Variants in BCKDHB observed in about 807,000 individuals in gnomAD.
BCKDHB encodes the protein branched chain keto acid dehydrogenase E1 subunit beta.
A neutral mutation model predicts 48.5 loss-of-function variants in BCKDHB; 41 were observed. The ratio of observed to expected loss-of-function variants is 0.85; its 90% CI spans 0.66 to 1.10. BCKDHB has a LOEUF of 1.10. BCKDHB is among the 50% of genes least tolerant of loss of function. The pLI, the probability that BCKDHB is intolerant of heterozygous loss-of-function variation, is 0.00. For synonymous variants in BCKDHB, 201 were observed against 174.8 expected (o/e 1.15, Z -1.18); for missense variants, 496 against 494.2 (o/e 1.00, Z -0.03).
Position 80,345,055 on chromosome 6 carries a change from A to ATT in BCKDHB, c.*1256_*1257dup, listed in dbSNP as rs898534318. ...CCAGAAGCTTTTTTAACAAGTGAAT[A>ATT]TTTTTTACATAATGGATAATAAATG... On this transcript the variant is annotated 3_prime_UTR_variant, in exon 10 of 10. Transcript: ENST00000320393. The ATT allele has an allele frequency of 6.6e-5, 10 of 152,152 alleles. No homozygotes were observed. Among genetic ancestry groups the ATT allele is most frequent in the Non-Finnish European group, 1.5e-4 (10 of 68,024 alleles). The allele number at this position is 152,152 out of a possible 1,614,324, so 9.4% of individuals were successfully genotyped here.
intron 9 of BCKDHB, among the ~76,000 whole-genome samples, chr6:80,287,370 G>C (rs1358439442): frequency 2.0e-5 from 3 of 151,944 alleles, no homozygotes; most frequent in Admixed American, 2.0e-4. Context: ...AATGGAGTTA[G>C]GACTATATAG....
chr6:80,169,702 C>T (rs1356066916), intron 5 of BCKDHB: 2 of 985,730 alleles, frequency 2.0e-6, no homozygotes, highest in East Asian at 2.8e-5. Context: ...TTGTAGAAAC[C>T]CATAGATGTG....
chr6:80,166,349 T>C (rs1772566183), intron 3 of BCKDHB, among the ~76,000 whole-genome samples: 1 of 152,128 alleles, frequency 6.6e-6, no homozygotes, highest in East Asian at 1.9e-4. Flanking sequence ...GTGAGTTACT[T>C]AGCTATTTAT....
chr6:80,301,399 A>G (rs1346796064), intron 9 of BCKDHB, among the ~76,000 whole-genome samples: 2 of 152,216 alleles, frequency 1.3e-5, no homozygotes, highest in Non-Finnish European at 2.9e-5. Context: ...ACTGTGGACA[A>G]TTCTGTGCAC....
Position 80,127,559 on chromosome 6 carries a change from A to C in BCKDHB, c.209A>C (p.Lys70Thr). The C allele has an allele frequency of 6.2e-7, 1 of 1,613,352 alleles. No homozygotes were observed. The highest frequency in any genetic ancestry group is 8.5e-7 in the Non-Finnish European group (1 of 1,179,460). Residue 70 changes from lysine to threonine, a missense_variant, in exon 2 of 10, where the codon AAA becomes ACA. Lys to Thr is a moderately conservative substitution (Grantham distance 78). Coordinates refer to ENST00000320393, the MANE Select transcript of BCKDHB (RefSeq NM_183050.4). ...PEPREYGQTQ[K>T]MNLFQSVTSA... ...TTGATTTTCACAGGGCAAACTCAGA[A>C]AATGAATCTTTTCCAGTCTGTAACA...
chr6:80,133,155 G>A (rs1173387017), intron 3 of BCKDHB, among the ~76,000 whole-genome samples: 1 of 152,202 alleles, frequency 6.6e-6, no homozygotes, highest in Non-Finnish European at 1.5e-5. Context: ...CCTTTGAAAT[G>A]AGAACATCCC....
At chr6:80,393,540 T>G in the BCKDHB span, among the ~76,000 whole-genome samples, 1 of 152,212 alleles carries the variant, frequency 6.6e-6, no homozygotes, top group Non-Finnish European at 1.5e-5. Context: ...GCTGGAGCCT[T>G]GATCTTGGAC....
intron 8 of BCKDHB, among the ~76,000 whole-genome samples, chr6:80,257,373 T>G (rs1339137944): frequency 6.7e-6 from 1 of 150,024 alleles, no homozygotes; most frequent in Non-Finnish European, 1.5e-5. Flanking sequence ...ATTGTGTATG[T>G]GTATATATAC....
At chr6:80,157,143 A>G (rs1472047650) in intron 3 of BCKDHB, among the ~76,000 whole-genome samples, 1 of 151,986 alleles carries the variant, frequency 6.6e-6, no homozygotes, top group Non-Finnish European at 1.5e-5. Context: ...CTTCAACTAG[A>G]TGTTTTCTAT....
intron 6 of BCKDHB, among the ~76,000 whole-genome samples, chr6:80,194,491 G>A (rs1039452767): frequency 2.6e-5 from 4 of 152,026 alleles, no homozygotes; most frequent in African/African-American, 4.8e-5. Flanking sequence ...TCTATTTATC[G>A]TTCTTTCTCC....
At chr6:80,392,073 A>G in the BCKDHB span, among the ~76,000 whole-genome samples, 1 of 151,850 alleles carries the variant, frequency 6.6e-6, no homozygotes, top group Non-Finnish European at 1.5e-5. Context: ...GCTCACTGCA[A>G]CCTCCACCTC....
chr6:80,229,228 A>C (rs770350222), intron 8 of BCKDHB, among the ~76,000 whole-genome samples: 27 of 152,216 alleles, frequency 1.8e-4, no homozygotes, highest in Non-Finnish European at 3.7e-4. Context: ...TACATATTTA[A>C]GTCAGATCCC....
Position 80,142,061 on chromosome 6 carries a change from AG to A in BCKDHB, c.343+12833del, listed in dbSNP as rs565482488. On this transcript the variant is annotated intron_variant, in intron 3 of 9. Transcript: ENST00000320393. ...CTCAGTTTCTAATTTTTGCACATCA[AG>A]ACCAGTGAATTTTCATTTCTTATGT... Among the ~76,000 whole-genome samples, 19 of 152,214 alleles carry A rather than the reference AG, an allele frequency of 1.2e-4. No individual in the cohort carries two copies. In the East Asian group the frequency reaches 3.7e-3, roughly 29 times the overall value.
intron 8 of BCKDHB, among the ~76,000 whole-genome samples, chr6:80,256,608 C>A (rs545674339): frequency 6.6e-6 from 1 of 152,236 alleles, no homozygotes; most frequent in Admixed American, 6.5e-5. Flanking sequence ...ATAAAATCAT[C>A]CATTTTTATA....
chr6:80,133,931 C>G (rs999426138), intron 3 of BCKDHB, among the ~76,000 whole-genome samples: 1 of 152,152 alleles, frequency 6.6e-6, no homozygotes, highest in African/African-American at 2.4e-5. Flanking sequence ...GCGTGAGCCA[C>G]TGTGCCTGGT....
At chr6:80,107,034 G>A in intron 1 of BCKDHB, 145 bp downstream of exon 1, 8 of 1,058,318 alleles carry the variant, frequency 7.6e-6, no homozygotes, top group Non-Finnish European at 1.1e-5. Flanking sequence ...CCTTGCCTCA[G>A]GGTCTAACTG....
the BCKDHB span, among the ~76,000 whole-genome samples, chr6:80,442,455 GTA>G: frequency 6.6e-6 from 1 of 152,044 alleles, no homozygotes; most frequent in Non-Finnish European, 1.5e-5. Flanking sequence ...GAACATACCT[GTA>G]TATGTGTATG....
At chr6:80,216,291 A>G (rs1775167884) in intron 8 of BCKDHB, among the ~76,000 whole-genome samples, 1 of 152,198 alleles carries the variant, frequency 6.6e-6, no homozygotes, top group Non-Finnish European at 1.5e-5. Context: ...TGCTGATCAA[A>G]TGCTTCTAAA....
the BCKDHB span, among the ~76,000 whole-genome samples, chr6:80,454,705 A>G: frequency 6.6e-6 from 1 of 152,220 alleles, no homozygotes; most frequent in African/African-American, 2.4e-5. Context: ...ATGAAGGCCC[A>G]GAAGATCTGA....
Sources: allele counts gnomAD v4.1 joint callset (sites outside exome capture counted in the v4.1 genomes callset), GRCh38; gene constraint gnomAD v4.1.1; transcripts MANE v1.5; gene names NCBI Gene and HGNC (gene_info 2026-07-23, HGNC 2026-07-21).